The following CNTN4 variants were observed in gnomAD, a reference collection of about 807,000 sequenced individuals.
CNTN4 encodes contactin-4.
Under a neutral mutation model 122.5 loss-of-function variants are expected in CNTN4, and 77 were observed. The observed-to-expected ratio is 0.63, with a 90% CI of 0.52 to 0.76. The LOEUF (loss-of-function observed/expected upper bound fraction) is 0.76, where lower values mean the gene tolerates loss of function less well. CNTN4 is among the 30% of genes least tolerant of loss of function. The pLI is 0.00. For synonymous variants in CNTN4, 512 were observed against 447.0 expected, an observed-to-expected ratio of 1.15 and a Z score of -1.83; for missense variants, 1,256 against 1,259.1, an observed-to-expected ratio of 1.00 and a Z score of 0.04.
At chr3:2,201,298 A>G (rs973737262) in intron 2 of CNTN4, among the ~76,000 whole-genome samples, 6 of 152,200 alleles carry the variant, frequency 3.9e-5, no homozygotes, top group Non-Finnish European at 1.5e-5. Flanking sequence ...AAACTGCCTC[A>G]ATGAGTTCTT....
intron 12 of CNTN4, among the ~76,000 whole-genome samples, chr3:2,924,082 A>G (rs2094451874): frequency 6.6e-6 from 1 of 152,136 alleles, no homozygotes; most frequent in Non-Finnish European, 1.5e-5. Flanking sequence ...TACTAGATTC[A>G]TTTTTAAAAT....
intron 2 of CNTN4, among the ~76,000 whole-genome samples, chr3:2,161,843 C>T (rs1043760506): frequency 6.6e-6 from 1 of 152,128 alleles, no homozygotes; most frequent in Non-Finnish European, 1.5e-5. Context: ...TTTTGATGGG[C>T]ACAGTGTTCT....
chr3:2,251,559 T>C (rs1181404143), intron 2 of CNTN4, among the ~76,000 whole-genome samples: 1 of 151,896 alleles, frequency 6.6e-6, no homozygotes, highest in Non-Finnish European at 1.5e-5. Flanking sequence ...AATTTGACTT[T>C]CCCTTCACTT....
At chr3:2,407,874 G>A (rs577015461) in intron 3 of CNTN4, among the ~76,000 whole-genome samples, 21 of 152,148 alleles carry the variant, frequency 1.4e-4, no homozygotes, top group Non-Finnish European at 1.0e-4. Flanking sequence ...TTCCCTATGT[G>A]ATGAGTCTAA....
At chr3:2,768,727 C>T (rs1320601826) in intron 6 of CNTN4, among the ~76,000 whole-genome samples, 1 of 151,966 alleles carries the variant, frequency 6.6e-6, no homozygotes, top group Non-Finnish European at 1.5e-5. Context: ...GCACTTTATG[C>T]CTTGAAAAAA....
chr3:2,920,139 A>G (rs904554045), intron 12 of CNTN4, among the ~76,000 whole-genome samples: 1 of 151,836 alleles, frequency 6.6e-6, no homozygotes, highest in East Asian at 1.9e-4. Flanking sequence ...TGTAATACTC[A>G]GCAGGAAAAA....
intron 4 of CNTN4, among the ~76,000 whole-genome samples, chr3:2,678,021 C>T (rs1414056846): frequency 6.6e-6 from 1 of 152,078 alleles, no homozygotes; most frequent in Non-Finnish European, 1.5e-5. Flanking sequence ...CCCAGCAAAG[C>T]TTACCAGAAG....
chr3:2,859,201 C>G (rs761043544), intron 7 of CNTN4, among the ~76,000 whole-genome samples: 24 of 152,178 alleles, frequency 1.6e-4, no homozygotes, highest in Non-Finnish European at 2.8e-4. Context: ...GCATAATGTC[C>G]TCCAGGTTCA....
intron 3 of CNTN4, among the ~76,000 whole-genome samples, chr3:2,508,337 C>T (rs1001454486): frequency 1.3e-5 from 2 of 152,144 alleles, no homozygotes; most frequent in Non-Finnish European, 2.9e-5. Flanking sequence ...TTGACTCTGA[C>T]TTTTAGTGAG....
chr3:2,360,782 T>C (rs2045101356), intron 3 of CNTN4, among the ~76,000 whole-genome samples: 1 of 152,184 alleles, frequency 6.6e-6, no homozygotes. Context: ...ACCACCCCCA[T>C]GATTCAGCTA....
At position 2,988,435 on chromosome 3, in the gene CNTN4, T is replaced by C. The variant is rs941334709; in HGVS notation, c.1449T>C (p.Phe483=). The change falls in exon 14 of 25, where the codon TTT becomes TTC. Residue 483 remains phenylalanine (F), a synonymous_variant. Coordinates refer to ENST00000418658, the MANE Select transcript of CNTN4 (RefSeq NM_175607.3). ...ATACCTGTATAGCCACTAACCATTTTGGAACTGCTAGCAGTACTGGAAACT... is the reference window on the plus strand; with the variant it reads ...ATACCTGTATAGCCACTAACCATTTCGGAACTGCTAGCAGTACTGGAAACT... ...GSYTCIATNH[F]GTASSTGNLV... 6.8e-6 allele frequency: 11 copies of C among 1,613,722 alleles called. No individual in the cohort carries two copies. Among genetic ancestry groups the C allele is most frequent in the Non-Finnish European group, 9.3e-6 (11 of 1,179,832 alleles).
At chr3:2,201,320 A>G (rs372144457) in intron 2 of CNTN4, among the ~76,000 whole-genome samples, 58 of 152,330 alleles carry the variant, frequency 3.8e-4, no homozygotes, top group South Asian at 3.7e-3. Flanking sequence ...ATTGGGTACA[A>G]GATAATGTTG....
At chr3:2,729,380 C>CGGTGAAACCCCGTCTAT (rs1559437998) in intron 4 of CNTN4, among the ~76,000 whole-genome samples, 2 of 148,428 alleles carry the variant, frequency 1.3e-5, no homozygotes, top group Admixed American at 6.7e-5. Context: ...CCGGCTAACA[C>CGGTGAAACCCCGTCTAT]AAAATTAACA....
At chr3:3,030,812 C>T in intron 15 of CNTN4, 43 bp from the exon 16 acceptor site, 1 of 1,602,034 alleles carries the variant, frequency 6.2e-7, no homozygotes. Context: ...ATATTTAGAG[C>T]TCATTAAAAA....
chr3:2,579,354 G>C (rs1044725272), intron 4 of CNTN4, among the ~76,000 whole-genome samples: 1 of 152,214 alleles, frequency 6.6e-6, no homozygotes, highest in African/African-American at 2.4e-5. Context: ...CAGTGATGCT[G>C]CCTCAAAGCT....
At chr3:2,589,647 A>C (rs1306697765) in intron 4 of CNTN4, among the ~76,000 whole-genome samples, 1 of 152,232 alleles carries the variant, frequency 6.6e-6, no homozygotes, top group Non-Finnish European at 1.5e-5. Flanking sequence ...GGAGCAGCTT[A>C]GCTGGATGGT....
chr3:2,122,154 C>CAAAAA (rs140011839), intron 2 of CNTN4, among the ~76,000 whole-genome samples: 1 of 138,488 alleles, frequency 7.2e-6, no homozygotes, highest in Non-Finnish European at 1.6e-5. Context: ...CACTCCATCT[C>CAAAAA]AAAAAAAAAA....
intron 4 of CNTN4, among the ~76,000 whole-genome samples, chr3:2,720,172 C>G (rs1258946084): frequency 6.6e-6 from 1 of 152,048 alleles, no homozygotes; most frequent in Non-Finnish European, 1.5e-5. Flanking sequence ...TTTTTTGTTG[C>G]CTGACAAAAA....
intron 3 of CNTN4, among the ~76,000 whole-genome samples, chr3:2,440,927 A>C (rs2048417408): frequency 6.7e-6 from 1 of 148,774 alleles, no homozygotes; most frequent in Admixed American, 6.8e-5. Flanking sequence ...CATATATAAA[A>C]AGATTATATA....
Sources: gnomAD v4.1 joint callset for allele counts (sites outside exome capture counted in the v4.1 genomes callset) on GRCh38, gnomAD v4.1.1 for gene constraint, MANE v1.5 for transcripts, NCBI Gene and HGNC (gene_info 2026-07-23, HGNC 2026-07-21) for gene names.